RIN2: variants seen among roughly 807,000 people sequenced by gnomAD.
RIN2 encodes RAB5 interacting protein 2.
In RIN2, 36 loss-of-function variants were observed where a neutral mutation model predicts 78.0. The ratio of observed to expected loss-of-function variants is 0.46; its 90% CI spans 0.35 to 0.61. The LOEUF (loss-of-function observed/expected upper bound fraction) is 0.61, where lower values mean the gene tolerates loss of function less well. Ranked by LOEUF, RIN2 falls within the 20% of genes least tolerant of loss-of-function variation. The pLI, the probability that RIN2 is intolerant of heterozygous loss-of-function variation, is 0.00. For synonymous variants in RIN2, 466 were observed against 466.8 expected (o/e 1.00, Z 0.02); for missense variants, 1,087 against 1,159.7 (o/e 0.94, Z 0.91).
chr20:19,936,755 T>A (rs997470027), intron 4 of RIN2, among the ~76,000 whole-genome samples: 1 of 152,212 alleles, frequency 6.6e-6, no homozygotes, highest in Non-Finnish European at 1.5e-5. Context: ...TTTTCAGAGG[T>A]AAGAATAACT....
At chr20:19,897,000 A>G (rs988277725) in intron 3 of RIN2, among the ~76,000 whole-genome samples, 1 of 152,140 alleles carries the variant, frequency 6.6e-6, no homozygotes, top group Non-Finnish European at 1.5e-5. Context: ...AAAATGGTAT[A>G]TATTTATTGT....
intron 2 of RIN2, among the ~76,000 whole-genome samples, chr20:19,888,957 C>A (rs1568574302): frequency 6.6e-6 from 1 of 152,232 alleles, no homozygotes; most frequent in Non-Finnish European, 1.5e-5. Flanking sequence ...TTCAGCTCCC[C>A]TTTTGTGGAT....
At chr20:19,851,042 GA>G (rs1374033256) in intron 2 of RIN2, among the ~76,000 whole-genome samples, 2 of 74,444 alleles carry the variant, frequency 2.7e-5, no homozygotes, top group South Asian at 4.4e-4. Context: ...AGGAAGGAAG[GA>G]AGGAAGGAGA....
At chr20:19,812,858 A>G (rs2035646775) in intron 2 of RIN2, among the ~76,000 whole-genome samples, 1 of 152,268 alleles carries the variant, frequency 6.6e-6, no homozygotes, top group South Asian at 2.1e-4. Flanking sequence ...TAAAATGTCC[A>G]GATGTTGGGT....
chr20:19,971,177 C>T (rs1411410522), intron 8 of RIN2, among the ~76,000 whole-genome samples: 14 of 139,398 alleles, frequency 1.0e-4, no homozygotes, highest in Admixed American at 9.0e-4. Context: ...GTGCATCTCG[C>T]GTGCATGATT....
chr20:19,984,956 CTGGCTCTGTCTTGCCTTCTG>C (rs1447319061), intron 9 of RIN2, among the ~76,000 whole-genome samples: 1 of 152,192 alleles, frequency 6.6e-6, no homozygotes, highest in South Asian at 2.1e-4. Context: ...GTTCAGACTG[CTGGCTCTGTCTTGCCTTCTG>C]TGGACAATGA....
chr20:19,796,039 A>ATT (rs2122666806), intron 1 of RIN2, among the ~76,000 whole-genome samples: 1 of 152,190 alleles, frequency 6.6e-6, no homozygotes, highest in African/African-American at 2.4e-5. Context: ...AAAAAAAAAG[A>ATT]AAGAAGAGAA....
chr20:19,949,087 T>C (rs2146201166), intron 4 of RIN2, among the ~76,000 whole-genome samples: 1 of 152,288 alleles, frequency 6.6e-6, no homozygotes, highest in African/African-American at 2.4e-5. Context: ...CAGACCAGCC[T>C]GGACAACGTG....
At chr20:19,842,260 T>A (rs972250292) in intron 2 of RIN2, among the ~76,000 whole-genome samples, 1 of 152,072 alleles carries the variant, frequency 6.6e-6, no homozygotes, top group Non-Finnish European at 1.5e-5. Context: ...TCTTGTTCTG[T>A]TGCCCAGGCT....
chr20:19,905,132 TG>T (rs2123676122), intron 3 of RIN2, among the ~76,000 whole-genome samples: 1 of 152,318 alleles, frequency 6.6e-6, no homozygotes, highest in Non-Finnish European at 1.5e-5. Flanking sequence ...TTGACCTGGC[TG>T]GGGTCTTTAG....
At chr20:19,982,348 C>G (rs1415548833) in intron 9 of RIN2, among the ~76,000 whole-genome samples, 1 of 152,162 alleles carries the variant, frequency 6.6e-6, no homozygotes, top group Admixed American at 6.5e-5. Context: ...GGCATCTGAC[C>G]TGAGTGCCTC....
At chr20:19,935,649 T>G (rs1405164289) in intron 4 of RIN2, 21 of 982,828 alleles carry the variant, frequency 2.1e-5, no homozygotes, top group Non-Finnish European at 2.4e-5. Flanking sequence ...ACCATTAACC[T>G]GAAAAGCCGT....
chr20:19,799,983 G>A (rs552846777), intron 2 of RIN2, among the ~76,000 whole-genome samples: 1 of 152,298 alleles, frequency 6.6e-6, no homozygotes, highest in South Asian at 2.1e-4. Context: ...GAGCCCACGA[G>A]CATAAAGGGA....
chr20:19,974,924 G>A lies in RIN2; in HGVS notation c.899G>A (p.Gly300Asp), dbSNP rs751256990. The change falls in exon 9 of 13, where the codon GGC becomes GAC. Residue 300 changes from glycine (G) to aspartate (D), a missense_variant. By Grantham distance (94) the Gly-to-Asp change is moderately conservative. Coordinates refer to ENST00000255006, the MANE Select transcript of RIN2 (RefSeq NM_018993.4). ...AGCACAAGGACTCCCAACGCGAATG[G>A]CACGGAGCGGACTCGGTCCCCCCCA... ...RPSTRTPNANGTERTRSPPPR... is the reference protein window; with the variant it reads ...RPSTRTPNANDTERTRSPPPR... 7 of 1,613,602 alleles carry A rather than the reference G, an allele frequency of 4.3e-6. No homozygotes were observed. The highest frequency in any genetic ancestry group is 1.7e-5 in the Admixed American group (1 of 59,984).
intron 3 of RIN2, among the ~76,000 whole-genome samples, chr20:19,931,814 A>G (rs560027772): frequency 6.7e-6 from 1 of 149,146 alleles, no homozygotes; most frequent in African/African-American, 2.5e-5. Context: ...ACTGCTATGT[A>G]GCATTTTATA....
At chr20:19,811,363 A>G (rs2035594854) in intron 2 of RIN2, among the ~76,000 whole-genome samples, 1 of 152,188 alleles carries the variant, frequency 6.6e-6, no homozygotes, top group Admixed American at 6.5e-5. Context: ...TTTATCCACA[A>G]CTTCCTTCCA....
chr20:19,846,222 G>T (rs1271471209), intron 2 of RIN2, among the ~76,000 whole-genome samples: 2 of 152,080 alleles, frequency 1.3e-5, no homozygotes, highest in East Asian at 3.8e-4. Context: ...CTCTTTTTTG[G>T]TTCCATATGA....
At chr20:19,930,871 T>G (rs1355720357) in intron 3 of RIN2, among the ~76,000 whole-genome samples, 4 of 152,236 alleles carry the variant, frequency 2.6e-5, no homozygotes, top group Non-Finnish European at 5.9e-5. Flanking sequence ...CAAAGTACTT[T>G]AAGCATACAG....
intron 2 of RIN2, among the ~76,000 whole-genome samples, chr20:19,858,574 C>T (rs1435151217): frequency 1.3e-5 from 2 of 152,096 alleles, no homozygotes; most frequent in African/African-American, 2.4e-5. Flanking sequence ...TAATGAAGTT[C>T]GTGTTTTAAG....
Sources: gnomAD v4.1 joint callset for allele counts (sites outside exome capture counted in the v4.1 genomes callset) on GRCh38, gnomAD v4.1.1 for gene constraint, MANE v1.5 for transcripts, NCBI Gene and HGNC (gene_info 2026-07-23, HGNC 2026-07-21) for gene names.